The following IWS1 variants were observed in gnomAD, a reference collection of about 807,000 sequenced individuals.
IWS1 encodes the protein protein IWS1 homolog.
In IWS1, 27 loss-of-function variants were observed where a neutral mutation model predicts 86.7. That is an observed-to-expected ratio of 0.31 (90% CI 0.23 to 0.43). The LOEUF (loss-of-function observed/expected upper bound fraction) is 0.43. IWS1 is among the 20% of genes least tolerant of loss of function. The probability of loss-of-function intolerance (pLI) is 1.00; values close to 1 mark genes in which losing one functional copy is unlikely to be tolerated. For synonymous variants in IWS1, 313 were observed against 335.1 expected (o/e 0.93, Z 0.72); for missense variants, 827 against 1,000.8 (o/e 0.83, Z 2.34).
chr2:127,497,231 C>T (rs1195024334), intron 6 of IWS1, among the ~76,000 whole-genome samples: 3 of 152,120 alleles, frequency 2.0e-5, no homozygotes, highest in East Asian at 1.9e-4. Context: ...GCTAATAGCC[C>T]GGAACTTTTC....
chr2:127,516,598 C>T (rs559854419), intron 2 of IWS1, among the ~76,000 whole-genome samples: 4 of 152,046 alleles, frequency 2.6e-5, no homozygotes, highest in East Asian at 3.9e-4. Flanking sequence ...TCCCTCTCCA[C>T]AAAAATTTTA....
chr2:127,525,045 G>GCCAC (rs1692318090), intron 1 of IWS1, among the ~76,000 whole-genome samples: 1 of 135,092 alleles, frequency 7.4e-6, no homozygotes, highest in African/African-American at 2.7e-5. Flanking sequence ...ACAGGTGTAT[G>GCCAC]CCACCACACT....
intron 13 of IWS1, 76 bp from the exon 14 acceptor site, chr2:127,481,251 C>T: frequency 1.5e-6 from 2 of 1,374,966 alleles, no homozygotes; most frequent in Middle Eastern, 2.2e-4. Context: ...CTTCTTATAA[C>T]TGAGTTAGCA....
intron 5 of IWS1, 68 bp downstream of exon 5, chr2:127,502,747 G>C: frequency 2.6e-6 from 2 of 758,564 alleles, no homozygotes; most frequent in East Asian, 5.0e-5. Context: ...ATCTATAATG[G>C]TATCACTGCC....
At chr2:127,517,380 G>A (rs1040318371) in intron 2 of IWS1, among the ~76,000 whole-genome samples, 1 of 152,288 alleles carries the variant, frequency 6.6e-6, no homozygotes, top group Non-Finnish European at 1.5e-5. Context: ...CACTAGTACA[G>A]GCACAAGGAT....
rs34526019 is a variant in IWS1 at position 127,509,707 on chromosome 2, C to CAAAAAAAAAAAAAAAAAAAAAAAAAAAA, written c.151-3956_151-3955insTTTTTTTTTTTTTTTTTTTTTTTTTTTT. Reference sequence around the variant, plus strand: ...TATGTGACAGAGCAACACTCCATCTCAAAAAAAAAAAAAAAAAAAAAAAAG... The same window carrying CAAAAAAAAAAAAAAAAAAAAAAAAAAAA: ...TATGTGACAGAGCAACACTCCATCTCAAAAAAAAAAAAAAAAAAAAAAAAAAAAAAAAAAAAAAAAAAAAAAAAAAAAG... On this transcript the variant is annotated intron_variant, in intron 2 of 13. Transcript: ENST00000295321. Among the ~76,000 whole-genome samples, 2 of 55,474 alleles carry CAAAAAAAAAAAAAAAAAAAAAAAAAAAA rather than the reference C, an allele frequency of 3.6e-5. 1 individual carries two copies. The highest frequency in any genetic ancestry group is 1.5e-4 in the African/African-American group (2 of 13,660). The allele number at this position is 55,474 out of a possible 152,430, so 36.4% of individuals were successfully genotyped here.
rs1689988903 is a variant in IWS1 at position 127,487,504 on chromosome 2, A to G, written c.2217-840T>C. 2.6e-5 allele frequency among the ~76,000 whole-genome samples: 4 copies of G among 152,160 alleles called. 1 individual carries two copies. In the South Asian group the frequency reaches 6.2e-4, roughly 24 times the overall value. ...CTATGTGTGTCTGCTGGGGATGGGG[A>G]GAGAAGGGTAAAAAATTCTCAATTG... On this transcript the variant is annotated intron_variant, in intron 12 of 13. Transcript: ENST00000295321.
rs757443850 is a variant in IWS1 at position 127,520,200 on chromosome 2, C to T, written c.150+3476G>A. ...TGTTTTTATTTTTGAGACATAGTCT[C>T]GCTCTGTCGCCAGGCTGGAGTGCAG... On this transcript the variant is annotated intron_variant, in intron 2 of 13. Coordinates refer to ENST00000295321, the MANE Select transcript of IWS1 (RefSeq NM_017969.3). Among the ~76,000 whole-genome samples, 3 of 152,098 alleles carry T rather than the reference C, an allele frequency of 2.0e-5. No homozygotes were observed. The East Asian group carries it at 5.8e-4, about 29-fold the overall frequency.
At chr2:127,523,817 AC>A in intron 1 of IWS1, 26 bp from the exon 2 acceptor site, 1 of 1,474,924 alleles carries the variant, frequency 6.8e-7, no homozygotes, top group Non-Finnish European at 9.4e-7. Context: ...ACAAAAACCA[AC>A]TTATGGTGTA....
At chr2:127,501,538 C>T (rs334145) in intron 5 of IWS1, among the ~76,000 whole-genome samples, 4,122 of 152,150 alleles carry the variant, frequency 0.027, 193 homozygotes, top group African/African-American at 0.094. Context: ...TTTCATTATT[C>T]CAATTTTTGC....
chr2:127,488,449 T>A (rs1690049917), intron 12 of IWS1, among the ~76,000 whole-genome samples: 1 of 152,188 alleles, frequency 6.6e-6, no homozygotes, highest in Admixed American at 6.5e-5. Context: ...AGGTTAAAAT[T>A]TTGGCTGAGG....
At chr2:127,518,020 G>A (rs903756251) in intron 2 of IWS1, among the ~76,000 whole-genome samples, 3 of 152,164 alleles carry the variant, frequency 2.0e-5, no homozygotes, top group Non-Finnish European at 4.4e-5. Context: ...ACTTCTATGA[G>A]ACAGAAAGTA....
intron 13 of IWS1, chr2:127,485,767 A>C (rs1297945274): frequency 6.6e-6 from 1 of 152,150 alleles, no homozygotes; most frequent in Admixed American, 6.5e-5. Context: ...TTTGAAACTA[A>C]AAGCAGACCT....
chr2:127,484,804 T>C (rs1689838894), intron 13 of IWS1: 1 of 152,178 alleles, frequency 6.6e-6, no homozygotes, highest in African/African-American at 2.4e-5. Context: ...AAGACCATCA[T>C]GGCTAACAGG....
chr2:127,521,212 A>T (rs1482968232), intron 2 of IWS1, among the ~76,000 whole-genome samples: 1 of 152,230 alleles, frequency 6.6e-6, no homozygotes, highest in Non-Finnish European at 1.5e-5. Flanking sequence ...AGATCATGCC[A>T]CTGCACTCCA....
At chr2:127,481,210 T>A in intron 13 of IWS1, 35 bp from the exon 14 acceptor site, 1 of 1,573,492 alleles carries the variant, frequency 6.4e-7, no homozygotes, top group Non-Finnish European at 8.6e-7. Flanking sequence ...AGCAAACTAC[T>A]GAAATACGTA....
chr2:127,519,902 T>C (rs910729901), intron 2 of IWS1, among the ~76,000 whole-genome samples: 1 of 152,180 alleles, frequency 6.6e-6, no homozygotes, highest in African/African-American at 2.4e-5. Flanking sequence ...GTTTTGAAGA[T>C]GGAGGAAGGA....
intron 12 of IWS1, 148 bp from the exon 13 acceptor site, chr2:127,486,812 C>T: frequency 1.6e-6 from 1 of 641,630 alleles, no homozygotes; most frequent in Admixed American, 2.3e-5. Context: ...ACCCAATCCA[C>T]CCTCCTGCCG....
At chr2:127,492,438 C>T (rs1403940035) in intron 9 of IWS1, among the ~76,000 whole-genome samples, 1 of 151,484 alleles carries the variant, frequency 6.6e-6, no homozygotes, top group African/African-American at 2.4e-5. Flanking sequence ...CCCAGCTACT[C>T]GGGAGGCTGA....
Sources: gnomAD v4.1 joint callset for allele counts (sites outside exome capture counted in the v4.1 genomes callset) on GRCh38, gnomAD v4.1.1 for gene constraint, MANE v1.5 for transcripts, NCBI Gene and HGNC (gene_info 2026-07-23, HGNC 2026-07-21) for gene names.